Variants in SRGAP1 observed in about 807,000 individuals in gnomAD.
SRGAP1 encodes the protein SLIT-ROBO Rho GTPase activating protein 1.
In SRGAP1, 43 loss-of-function variants were observed where a neutral mutation model predicts 121.9. The ratio of observed to expected loss-of-function variants is 0.35; its 90% CI spans 0.28 to 0.46. The LOEUF is 0.46. Ranked by LOEUF, SRGAP1 falls within the 20% of genes least tolerant of loss-of-function variation. The probability of loss-of-function intolerance (pLI) is 1.00; values close to 1 mark genes in which losing one functional copy is unlikely to be tolerated. For missense variants in SRGAP1, 1,102 were observed against 1,350.9 expected (o/e 0.82, Z 2.89); for synonymous variants, 447 against 485.4 (o/e 0.92, Z 1.04).
chr12:63,998,821 A>G (rs1052658101), intron 3 of SRGAP1, among the ~76,000 whole-genome samples: 1 of 152,202 alleles, frequency 6.6e-6, no homozygotes, highest in African/African-American at 2.4e-5. Context: ...AGAGAAGAAT[A>G]CATAGTTCCT....
At chr12:64,030,212 A>C (rs7956745) in intron 4 of SRGAP1, among the ~76,000 whole-genome samples, 3 of 152,228 alleles carry the variant, frequency 2.0e-5, no homozygotes, top group Non-Finnish European at 4.4e-5. Context: ...ATTTCTAGCA[A>C]TAGAACATTA....
intron 1 of SRGAP1, among the ~76,000 whole-genome samples, chr12:63,891,356 A>T (rs1223003995): frequency 6.6e-6 from 1 of 152,136 alleles, no homozygotes; most frequent in Non-Finnish European, 1.5e-5. Flanking sequence ...CTGCCTTCAT[A>T]CCGTTCTTTC....
chr12:63,960,496 C>G (rs967799839), intron 1 of SRGAP1, among the ~76,000 whole-genome samples: 3 of 152,132 alleles, frequency 2.0e-5, no homozygotes, highest in African/African-American at 4.8e-5. Flanking sequence ...ATGCCACTTT[C>G]TTGATGAAAA....
At chr12:63,919,521 T>TATAC (rs1491241907) in intron 1 of SRGAP1, among the ~76,000 whole-genome samples, 5 of 139,132 alleles carry the variant, frequency 3.6e-5, no homozygotes, top group Middle Eastern at 3.7e-3. Flanking sequence ...TATATATATA[T>TATAC]ACACATACAC....
chr12:63,878,280 T>G (rs1263584354), intron 1 of SRGAP1, among the ~76,000 whole-genome samples: 2 of 152,236 alleles, frequency 1.3e-5, no homozygotes, highest in Admixed American at 1.3e-4. Context: ...CTCTTCAATT[T>G]CTGTCACAAC....
intron 10 of SRGAP1, 121 bp from the exon 11 acceptor site, chr12:64,086,878 A>G (rs1403974137): frequency 1.4e-6 from 1 of 695,426 alleles, no homozygotes; most frequent in Non-Finnish European, 2.5e-6. Flanking sequence ...TTTCTGCCAT[A>G]AAAACGTGTA....
chr12:64,125,570 A>T lies in SRGAP1; in HGVS notation c.2225-407A>T, dbSNP rs1163052121. 4.6e-5 allele frequency among the ~76,000 whole-genome samples: 7 copies of T among 152,334 alleles called. No homozygotes were observed. In the East Asian group the frequency reaches 1.3e-3, roughly 29 times the overall value. ...TTTTTTCCATGTTATAAATGGTATT[A>T]ACATGTTACAAGGAAATTCCCTCAG... On this transcript the variant is annotated intron_variant, in intron 18 of 21. Coordinates refer to ENST00000355086, the MANE Select transcript of SRGAP1 (RefSeq NM_020762.4).
At chr12:63,981,005 G>A (rs547100187) in intron 1 of SRGAP1, among the ~76,000 whole-genome samples, 1 of 152,268 alleles carries the variant, frequency 6.6e-6, no homozygotes, top group Non-Finnish European at 1.5e-5. Flanking sequence ...AGAGGTAGTT[G>A]AATGGATTAT....
rs1435771764 is a variant in SRGAP1 at position 64,156,901 on chromosome 12, T to C, written c.*14229T>C. The C allele has an allele frequency of 6.6e-6, 1 of 151,902 alleles. No homozygotes were observed. The highest frequency in any genetic ancestry group is 1.5e-5 in the Non-Finnish European group (1 of 67,996). 9.4% of individuals were successfully genotyped at this position (151,902 alleles called of 1,614,324 possible). On this transcript the variant is annotated 3_prime_UTR_variant, in exon 22 of 22. Coordinates refer to ENST00000355086, the MANE Select transcript of SRGAP1 (RefSeq NM_020762.4). The stretch of plus-strand genomic sequence containing the variant: ...GGAAAGATTACCTTCTCTGAAGAAG[T>C]GATAGGGGGAATAAGGCATAAAATT...
chr12:63,900,208 T>TTTTTC (rs1246114253), intron 1 of SRGAP1, among the ~76,000 whole-genome samples: 2 of 138,028 alleles, frequency 1.4e-5, no homozygotes, highest in Non-Finnish European at 3.1e-5. Flanking sequence ...CTTTTTCTTT[T>TTTTTC]TTTTTTTTTT....
chr12:63,946,017 C>T (rs2136356072), intron 1 of SRGAP1, among the ~76,000 whole-genome samples: 1 of 151,576 alleles, frequency 6.6e-6, no homozygotes, highest in Admixed American at 6.6e-5. Context: ...CTACCTGGTT[C>T]ACCCACACAT....
At chr12:63,916,874 T>G (rs541331941) in intron 1 of SRGAP1, among the ~76,000 whole-genome samples, 1 of 152,292 alleles carries the variant, frequency 6.6e-6, no homozygotes, top group South Asian at 2.1e-4. Context: ...TTATTTCTCC[T>G]TGATTAATTT....
chr12:64,070,459 CT>C (rs1452032206), intron 8 of SRGAP1, among the ~76,000 whole-genome samples: 1 of 152,180 alleles, frequency 6.6e-6, no homozygotes, highest in Non-Finnish European at 1.5e-5. Context: ...CAGCATGTCA[CT>C]GCTGTTCTAT....
intron 1 of SRGAP1, among the ~76,000 whole-genome samples, chr12:63,875,534 A>G (rs1900002457): frequency 6.6e-6 from 1 of 152,220 alleles, no homozygotes; most frequent in Non-Finnish European, 1.5e-5. Flanking sequence ...AATGGCACTG[A>G]GATTTCTTTA....
chr12:63,902,789 C>T (rs2029998592), intron 1 of SRGAP1, among the ~76,000 whole-genome samples: 1 of 152,128 alleles, frequency 6.6e-6, no homozygotes, highest in Non-Finnish European at 1.5e-5. Context: ...CTATTTTTGT[C>T]ACATTTGCTC....
At chr12:63,883,917 C>G (rs1900280611) in intron 1 of SRGAP1, among the ~76,000 whole-genome samples, 1 of 151,292 alleles carries the variant, frequency 6.6e-6, no homozygotes, top group South Asian at 2.1e-4. Flanking sequence ...CTCGGCCTCA[C>G]AAAGTGCTGG....
chr12:63,968,075 C>G (rs745843218), intron 1 of SRGAP1, among the ~76,000 whole-genome samples: 7 of 152,190 alleles, frequency 4.6e-5, no homozygotes, highest in African/African-American at 7.2e-5. Context: ...TAATGTGACT[C>G]ACTAAATATG....
chr12:63,913,273 C>T (rs557966358), intron 1 of SRGAP1, among the ~76,000 whole-genome samples: 15 of 140,132 alleles, frequency 1.1e-4, no homozygotes, highest in African/African-American at 3.9e-4. Context: ...ATCCTCCCAC[C>T]TCAGCCTCCT....
At chr12:63,932,068 G>T (rs1159404516) in intron 1 of SRGAP1, among the ~76,000 whole-genome samples, 1 of 152,148 alleles carries the variant, frequency 6.6e-6, no homozygotes, top group Non-Finnish European at 1.5e-5. Context: ...CAAATGTTAA[G>T]AAAATTTCTC....
Sources: allele counts gnomAD v4.1 joint callset (sites outside exome capture counted in the v4.1 genomes callset), GRCh38; gene constraint gnomAD v4.1.1; transcripts MANE v1.5; gene names NCBI Gene and HGNC (gene_info 2026-07-23, HGNC 2026-07-21).